SRGAP2B: variants seen among roughly 807,000 people sequenced by gnomAD.
The protein encoded by SRGAP2B is SLIT-ROBO Rho GTPase-activating protein 2B.
SRGAP2B carries 9 observed loss-of-function variants against 22.2 expected under a neutral mutation model. That is an observed-to-expected ratio of 0.41 (90% CI 0.24 to 0.71). The LOEUF (loss-of-function observed/expected upper bound fraction) is 0.71, where lower values mean the gene tolerates loss of function less well. Ranked by LOEUF, SRGAP2B falls within the 30% of genes least tolerant of loss-of-function variation. SRGAP2B has a pLI of 0.35. For synonymous variants in SRGAP2B, 36 were observed against 87.4 expected, an observed-to-expected ratio of 0.41 and a Z score of 3.28; for missense variants, 114 against 235.8, an observed-to-expected ratio of 0.48 and a Z score of 3.38.
intron 3 of SRGAP2B, among the ~76,000 whole-genome samples, chr1:144,993,044 G>C (rs1391861848): frequency 6.6e-6 from 1 of 151,410 alleles, no homozygotes; most frequent in Non-Finnish European, 1.5e-5. Flanking sequence ...CCTGAGATGG[G>C]TCTTAAGACA....
At chr1:144,905,035 G>C (rs1207474973) in intron 7 of SRGAP2B, 56 bp downstream of exon 7, 2 of 718,282 alleles carry the variant, frequency 2.8e-6, no homozygotes, top group Non-Finnish European at 5.2e-6. Context: ...AATGTCTGAC[G>C]AGTATTCTGA....
At chr1:144,998,672 G>A (rs1670886152) in intron 2 of SRGAP2B, among the ~76,000 whole-genome samples, 1 of 150,936 alleles carries the variant, frequency 6.6e-6, no homozygotes, top group Non-Finnish European at 1.5e-5. Context: ...AAGAAAGGAA[G>A]CAGAAAGAAG....
chr1:144,924,537 G>A (rs1409817162), intron 4 of SRGAP2B, among the ~76,000 whole-genome samples: 3,579 of 150,056 alleles, frequency 0.024, 41 homozygotes, highest in African/African-American at 0.084. Flanking sequence ...TCAGGAGATC[G>A]AGACCAAGGT....
intron 5 of SRGAP2B, among the ~76,000 whole-genome samples, chr1:144,907,600 T>C (rs1663086512): frequency 1.3e-5 from 2 of 149,752 alleles, no homozygotes; most frequent in African/African-American, 5.0e-5. Flanking sequence ...CCAGGGGAAA[T>C]GTGGCAGTGT....
chr1:144,940,480 C>A (rs1342445296), intron 4 of SRGAP2B, among the ~76,000 whole-genome samples: 1 of 149,708 alleles, frequency 6.7e-6, no homozygotes, highest in East Asian at 1.9e-4. Context: ...TCTAGATGTA[C>A]AAGAACATAG....
chr1:144,969,159 G>T (rs1553612803), intron 3 of SRGAP2B, among the ~76,000 whole-genome samples: 9 of 111,640 alleles, frequency 8.1e-5, no homozygotes, highest in African/African-American at 2.9e-4. Flanking sequence ...AGTTCATATG[G>T]AACCAAAAAA....
In SRGAP2B at chr1:144,974,141, A is replaced by C. The variant is rs1400250887; in HGVS notation, c.261-18540T>G. ...TCCCATCCTGATGGTTAAACCTATCAGTACATAGAAAGAGTAAAAATGAGA... is the reference window on the plus strand; with the variant it reads ...TCCCATCCTGATGGTTAAACCTATCCGTACATAGAAAGAGTAAAAATGAGA... On this transcript the variant is annotated intron_variant, in intron 3 of 9. Coordinates refer to ENST00000612199, the Ensembl canonical transcript of SRGAP2B. Among the ~76,000 whole-genome samples, 5 of 149,978 alleles carry C rather than the reference A, an allele frequency of 3.3e-5. 1 individual carries two copies. Among genetic ancestry groups the C allele is most frequent in the East Asian group, 1.9e-4 (1 of 5,150 alleles).
intron 2 of SRGAP2B, among the ~76,000 whole-genome samples, chr1:145,025,890 C>T (rs1237362597): frequency 4.2e-4 from 63 of 151,698 alleles, no homozygotes; most frequent in African/African-American, 1.5e-3. Context: ...ATCAGCAGAG[C>T]ACTATCCTGA....
rs1663861018 is a variant in SRGAP2B at position 144,916,018 on chromosome 1, A to T, written c.424-1264T>A. On this transcript the variant is annotated intron_variant, in intron 4 of 9. Coordinates refer to ENST00000612199, the Ensembl canonical transcript of SRGAP2B. ...AAAAAAGGAAGGACTTTCATGTCAG[A>T]TACACAATCATTTAAGATCTTGCTT... Among the ~76,000 whole-genome samples the T allele has an allele frequency of 1.3e-5, 2 of 148,832 alleles. 1 individual carries two copies. The highest frequency in any genetic ancestry group is 4.2e-4 in the South Asian group (2 of 4,728).
chr1:145,024,927 C>G (rs1553624752), intron 2 of SRGAP2B, among the ~76,000 whole-genome samples: 1 of 149,282 alleles, frequency 6.7e-6, no homozygotes, highest in African/African-American at 2.6e-5. Context: ...TCTACACTCC[C>G]AAGCCCAATA....
chr1:144,965,719 G>A (rs1474456372), intron 3 of SRGAP2B, among the ~76,000 whole-genome samples: 19 of 136,096 alleles, frequency 1.4e-4, no homozygotes, highest in Non-Finnish European at 2.6e-4. Context: ...TCAAACCAAA[G>A]GCAAAGAAGT....
intron 5 of SRGAP2B, among the ~76,000 whole-genome samples, chr1:144,911,674 G>C (rs1663423821): frequency 1.4e-5 from 2 of 147,910 alleles, no homozygotes; most frequent in Admixed American, 1.3e-4. Context: ...CTGGAGTGCA[G>C]TGGCACGATC....
chr1:144,921,054 G>GTT (rs1553604275), intron 4 of SRGAP2B, among the ~76,000 whole-genome samples: 1 of 148,782 alleles, frequency 6.7e-6, no homozygotes, highest in East Asian at 1.9e-4. Context: ...AAAACAGAAA[G>GTT]TTTAAAAGTT....
intron 4 of SRGAP2B, among the ~76,000 whole-genome samples, chr1:144,953,863 C>T (rs587651634): frequency 2.0e-5 from 3 of 150,350 alleles, no homozygotes; most frequent in South Asian, 2.1e-4. Context: ...ACAAAGAAAA[C>T]GGAGGAGGAA....
intron 2 of SRGAP2B, among the ~76,000 whole-genome samples, chr1:145,011,815 C>G (rs1307028342): frequency 6.7e-6 from 1 of 149,926 alleles, no homozygotes; most frequent in African/African-American, 2.5e-5. Context: ...CTGCAGTCTA[C>G]TCTCCACACT....
At chr1:144,910,447 C>T (rs1444829474) in intron 5 of SRGAP2B, among the ~76,000 whole-genome samples, 2 of 147,910 alleles carry the variant, frequency 1.4e-5, no homozygotes, top group East Asian at 4.0e-4. Context: ...TATTAAGTGC[C>T]ATTGTTTCAA....
Position 144,894,054 on chromosome 1 carries a change from G to A in SRGAP2B, c.1054-545C>T, listed in dbSNP as rs1662251185. ...TGCCTATGCTTGAGGGCCCGAGAGG[G>A]TATGGAATCTGAAGGAGCTTGGCAT... On this transcript the variant is annotated intron_variant, in intron 8 of 9. Transcript: ENST00000612199. Among the ~76,000 whole-genome samples, 2 of 144,608 alleles carry A rather than the reference G, an allele frequency of 1.4e-5. 1 individual carries two copies. The highest frequency in any genetic ancestry group is 3.9e-4 in the East Asian group (2 of 5,138). The allele number at this position is 144,608 out of a possible 152,430, so 94.9% of individuals were successfully genotyped here.
chr1:144,998,439 C>T (rs1399752680), intron 2 of SRGAP2B, among the ~76,000 whole-genome samples: 12 of 130,594 alleles, frequency 9.2e-5, no homozygotes, highest in Non-Finnish European at 1.7e-4. Context: ...AAAGCAATAT[C>T]CCCACCCCTG....
rs782724485 is a variant in SRGAP2B, at chr1:144,955,436, T to C, written c.423+3A>G. 9.4e-6 allele frequency: 15 copies of C among 1,599,102 alleles called. No individual in the cohort carries two copies. The highest frequency in any genetic ancestry group is 1.0e-5 in the Non-Finnish European group (12 of 1,172,498). ...GAACCTCTGTGAAGAAATATCTCTG[T>C]ACCTTTTTAAAGAGTCTTCCTGAGT... On this transcript the variant is annotated splice_donor_region_variant and intron_variant, in intron 4 of 9. Transcript: ENST00000612199.
Sources: gnomAD v4.1 joint callset for allele counts (sites outside exome capture counted in the v4.1 genomes callset) on GRCh38, gnomAD v4.1.1 for gene constraint, MANE v1.5 for transcripts, NCBI Gene and HGNC (gene_info 2026-07-23, HGNC 2026-07-21) for gene names.